ATP10A: variants seen among roughly 807,000 people sequenced by gnomAD.
The protein encoded by ATP10A is phospholipid-transporting ATPase VA.
A neutral mutation model predicts 147.8 loss-of-function variants in ATP10A; 111 were observed. The ratio of observed to expected loss-of-function variants is 0.75; its 90% CI spans 0.64 to 0.88. The LOEUF (loss-of-function observed/expected upper bound fraction) is 0.88. Among genes scored for constraint, ATP10A ranks in the 40% least tolerant of loss-of-function variants. The pLI, the probability that ATP10A is intolerant of heterozygous loss-of-function variation, is 0.00. For missense variants in ATP10A, 1,927 were observed against 1,959.0 expected, an observed-to-expected ratio of 0.98 and a Z score of 0.31; for synonymous variants, 875 against 841.6, an observed-to-expected ratio of 1.04 and a Z score of -0.69.
intron 19 of ATP10A, 21 bp downstream of exon 19, chr15:25,680,789 G>T (rs1437573460): frequency 1.3e-6 from 2 of 1,592,826 alleles, no homozygotes; most frequent in African/African-American, 1.3e-5. Context: ...TCTGAGACGT[G>T]GCCATGCAGG....
intron 1 of ATP10A, among the ~76,000 whole-genome samples, chr15:25,853,521 A>G (rs1893377738): frequency 1.3e-5 from 2 of 152,086 alleles, no homozygotes; most frequent in Non-Finnish European, 2.9e-5. Context: ...AGGTGGGGCC[A>G]TCACATGTCA....
At chr15:25,777,096 C>CGCGTGTGTGTGTGT (rs1555468164) in intron 2 of ATP10A, among the ~76,000 whole-genome samples, 1 of 149,698 alleles carries the variant, frequency 6.7e-6, no homozygotes, top group Non-Finnish European at 1.5e-5. Context: ...TGCATACGTG[C>CGCGTGTGTGTGTGT]GTGTGTGTGT....
intron 3 of ATP10A, among the ~76,000 whole-genome samples, chr15:25,729,684 G>A (rs1435951084): frequency 6.6e-6 from 1 of 152,158 alleles, no homozygotes; most frequent in Non-Finnish European, 1.5e-5. Context: ...CACACAGCAT[G>A]TTCTGTCCAC....
intron 1 of ATP10A, among the ~76,000 whole-genome samples, chr15:25,833,220 C>T (rs1268569965): frequency 6.6e-6 from 1 of 151,996 alleles, no homozygotes; most frequent in Non-Finnish European, 1.5e-5. Context: ...TGGCCTCAGG[C>T]AATCCACCCA....
At chr15:25,714,678 C>G (rs75576227) in intron 9 of ATP10A, among the ~76,000 whole-genome samples, 6,534 of 151,962 alleles carry the variant, frequency 0.043, 178 homozygotes, top group East Asian at 0.15. Context: ...TTGGGGCTGT[C>G]CCTGCACTAC....
At chr15:25,727,546 G>A (rs1317337813) in intron 3 of ATP10A, among the ~76,000 whole-genome samples, 1 of 152,262 alleles carries the variant, frequency 6.6e-6, no homozygotes, top group Admixed American at 6.5e-5. Flanking sequence ...TTTTCACTCC[G>A]GGACTGATCA....
intron 2 of ATP10A, among the ~76,000 whole-genome samples, chr15:25,756,895 C>T (rs192214875): frequency 6.6e-6 from 1 of 152,218 alleles, no homozygotes; most frequent in African/African-American, 2.4e-5. Context: ...AAAAATGGTT[C>T]ACAGGGAAAA....
intron 14 of ATP10A, among the ~76,000 whole-genome samples, chr15:25,692,052 G>A (rs1333207969): frequency 6.6e-6 from 1 of 152,080 alleles, no homozygotes; most frequent in Non-Finnish European, 1.5e-5. Flanking sequence ...CTGCAGTGCC[G>A]CTCTTACACC....
downstream of ATP10A, among the ~76,000 whole-genome samples, chr15:25,673,769 A>C (rs1159975558): frequency 6.6e-6 from 1 of 152,028 alleles, no homozygotes; most frequent in African/African-American, 2.4e-5. Context: ...TAAAGAAGGG[A>C]GGGGATGGCA....
intron 1 of ATP10A, among the ~76,000 whole-genome samples, chr15:25,843,932 G>A (rs925492375): frequency 6.6e-6 from 1 of 152,096 alleles, no homozygotes; most frequent in Non-Finnish European, 1.5e-5. Context: ...CCATGGTCTC[G>A]CGGAGCTGTT....
Position 25,692,727 on chromosome 15 carries a change from G to A in ATP10A, c.3089-936C>T, listed in dbSNP as rs116738588. On this transcript the variant is annotated intron_variant, in intron 14 of 20. Coordinates refer to ENST00000555815, the MANE Select transcript of ATP10A (RefSeq NM_024490.4). ...TAAAACATGAGATATGGTATGCAAC[G>A]ATGCTCTCTACATTATAAACCACTG... 2.0e-3 allele frequency among the ~76,000 whole-genome samples: 312 copies of A among 152,288 alleles called. 2 individuals are homozygous for A. Among genetic ancestry groups the A allele is most frequent in the African/African-American group, 7.1e-3 (294 of 41,558 alleles).
Position 25,708,207 on chromosome 15 carries a change from A to G in ATP10A, c.2438T>C (p.Ile813Thr). ...YAAEGLRTLC[I>T]AKRVLSKEEY... ...GACACCCCCACTCACTCTCTTGGCG[A>G]TGCACAAGGTGCGCAGGCCTTCCGC... The change falls in exon 11 of 21, where the codon ATC (isoleucine) becomes ACC (threonine). Residue 813 changes from isoleucine to threonine, a missense_variant. Ile to Thr is a moderately conservative substitution (Grantham distance 89, BLOSUM62 -1). Transcript: ENST00000555815. The G allele has an allele frequency of 6.2e-7, 1 of 1,614,206 alleles. No homozygotes were observed. The highest frequency in any genetic ancestry group is 8.5e-7 in the Non-Finnish European group (1 of 1,180,036).
In ATP10A at chr15:25,862,065, G is replaced by A. The variant is rs373640834; in HGVS notation, c.449+583C>T. 17 of 332,180 alleles carry A rather than the reference G, an allele frequency of 5.1e-5. 1 individual carries two copies. The East Asian group carries it at 8.6e-4, about 17-fold the overall frequency. 20.6% of individuals were successfully genotyped at this position (332,180 alleles called of 1,614,324 possible). A position where few individuals can be genotyped will look rare whatever the true frequency, so the allele number is the denominator to read the frequency against. Reference sequence around the variant, plus strand: ...GAAGAAAATTAGGCAGGCAGCTACCGGGCGGTGCCTGGCTCGCGGCTCATG... The same window carrying A: ...GAAGAAAATTAGGCAGGCAGCTACCAGGCGGTGCCTGGCTCGCGGCTCATG... On this transcript the variant is annotated intron_variant, in intron 1 of 20. Transcript: ENST00000555815.
chr15:25,861,430 C>G (rs575059083), intron 1 of ATP10A, among the ~76,000 whole-genome samples: 2 of 152,130 alleles, frequency 1.3e-5, no homozygotes, highest in Non-Finnish European at 2.9e-5. Flanking sequence ...CCCGTTTACT[C>G]TGTTTACAAA....
chr15:25,813,288 T>TA (rs1400992846), intron 1 of ATP10A, among the ~76,000 whole-genome samples: 1 of 152,230 alleles, frequency 6.6e-6, no homozygotes, highest in African/African-American at 2.4e-5. Context: ...TAGAGTAATC[T>TA]GATGGGTATT....
chr15:25,713,878 G>A lies in ATP10A; in HGVS notation c.2140C>T (p.Leu714Phe). ...VYAARAYNCV[L>F]VERLHDQVSV... is the part of the protein sequence containing the mutation. ...ACTTGGTCGTGCAGCCGCTCCACAA[G>A]CACGCAGTTGTAGGCTCTGGCCGCA... The change falls in exon 10 of 21, where the codon CTT becomes TTT. Residue 714 changes from leucine to phenylalanine, a missense_variant. By Grantham distance (22) the Leu-to-Phe change is conservative. Coordinates refer to ENST00000555815, the MANE Select transcript of ATP10A (RefSeq NM_024490.4). The A allele has an allele frequency of 6.2e-7, 1 of 1,613,790 alleles. No individual in the cohort carries two copies. Among genetic ancestry groups the A allele is most frequent in the South Asian group, 1.1e-5 (1 of 91,090 alleles).
downstream of ATP10A, among the ~76,000 whole-genome samples, chr15:25,673,825 G>A (rs1899087283): frequency 1.3e-5 from 2 of 152,314 alleles, no homozygotes; most frequent in South Asian, 4.1e-4. Context: ...ATTTCCACTG[G>A]GCTTCTTAGC....
intron 1 of ATP10A, among the ~76,000 whole-genome samples, chr15:25,802,100 C>T (rs535962865): frequency 2.0e-5 from 3 of 151,944 alleles, no homozygotes; most frequent in East Asian, 3.9e-4. Flanking sequence ...TGTGTTGACT[C>T]GGTAAAATGT....
At chr15:25,730,301 C>CAAAAAA (rs763070472) in intron 3 of ATP10A, among the ~76,000 whole-genome samples, 7 of 9,160 alleles carry the variant, frequency 7.6e-4, no homozygotes, top group Admixed American at 1.6e-3. Context: ...GACTCTGTCT[C>CAAAAAA]AAAAAAAAAA....
Sources: gnomAD v4.1 joint callset for allele counts (sites outside exome capture counted in the v4.1 genomes callset) on GRCh38, gnomAD v4.1.1 for gene constraint, MANE v1.5 for transcripts, NCBI Gene and HGNC (gene_info 2026-07-23, HGNC 2026-07-21) for gene names.